The following COL19A1 variants were observed in gnomAD, a reference collection of about 807,000 sequenced individuals.
COL19A1 encodes collagen type XIX alpha 1 chain.
A neutral mutation model predicts 190.2 loss-of-function variants in COL19A1; 159 were observed. The ratio of observed to expected loss-of-function variants is 0.84; its 90% CI spans 0.73 to 0.95. The LOEUF (loss-of-function observed/expected upper bound fraction) is 0.95. Among genes scored for constraint, COL19A1 ranks in the 40% least tolerant of loss-of-function variants. The probability of loss-of-function intolerance (pLI) is 0.00; values close to 1 mark genes in which losing one functional copy is unlikely to be tolerated. For missense variants in COL19A1, 1,418 were observed against 1,431.9 expected (o/e 0.99, Z 0.16); for synonymous variants, 509 against 458.9 (o/e 1.11, Z -1.39).
chr6:69,907,223 G>T lies in COL19A1; in HGVS notation c.266+6885G>T, dbSNP rs367591275. On this transcript the variant is annotated intron_variant, in intron 4 of 50. Transcript: ENST00000620364. ...CGGCTCACTGCAACCTCCACCTCCC[G>T]GTTTCAAACGATTCTCCTGCCTCAG... Among the ~76,000 whole-genome samples, 7 of 149,978 alleles carry T rather than the reference G, an allele frequency of 4.7e-5. No homozygotes were observed. In the South Asian group the frequency reaches 1.5e-3, roughly 32 times the overall value.
At chr6:70,136,380 C>G (rs1439274597) in intron 18 of COL19A1, among the ~76,000 whole-genome samples, 1 of 152,104 alleles carries the variant, frequency 6.6e-6, no homozygotes. Flanking sequence ...AAGCTGATTA[C>G]AATCAAAGTG....
chr6:69,961,458 T>C (rs1473296153), intron 10 of COL19A1, among the ~76,000 whole-genome samples: 1 of 152,256 alleles, frequency 6.6e-6, no homozygotes, highest in African/African-American at 2.4e-5. Context: ...TTTTGGACTT[T>C]CCAGCAGCTG....
intron 49 of COL19A1, among the ~76,000 whole-genome samples, chr6:70,204,900 G>A (rs1292489439): frequency 6.6e-6 from 1 of 152,142 alleles, no homozygotes; most frequent in Non-Finnish European, 1.5e-5. Context: ...AAATGTTTAA[G>A]TAATGGATTT....
chr6:69,881,687 A>C (rs1186424473), intron 2 of COL19A1, among the ~76,000 whole-genome samples: 1 of 152,240 alleles, frequency 6.6e-6, no homozygotes, highest in African/African-American at 2.4e-5. Context: ...TCTGAACCCT[A>C]ACAAGATTCA....
chr6:69,986,999 C>T (rs1197280548), intron 11 of COL19A1, among the ~76,000 whole-genome samples: 1 of 152,198 alleles, frequency 6.6e-6, no homozygotes, highest in Non-Finnish European at 1.5e-5. Flanking sequence ...CAGCTCACTG[C>T]AGCCTTGACC....
At chr6:70,122,521 G>A (rs1244479892) in intron 17 of COL19A1, among the ~76,000 whole-genome samples, 1 of 152,078 alleles carries the variant, frequency 6.6e-6, no homozygotes, top group Admixed American at 6.6e-5. Context: ...TAATAGAGTG[G>A]CAGCCAAGAG....
At chr6:70,056,196 C>T (rs1367535261) in intron 14 of COL19A1, among the ~76,000 whole-genome samples, 3 of 152,084 alleles carry the variant, frequency 2.0e-5, no homozygotes, top group South Asian at 2.1e-4. Context: ...AAGGAAGGTA[C>T]GTCTTCTGGG....
At chr6:70,105,525 T>C (rs1251748008) in intron 16 of COL19A1, among the ~76,000 whole-genome samples, 1 of 152,230 alleles carries the variant, frequency 6.6e-6, no homozygotes, top group Non-Finnish European at 1.5e-5. Context: ...GAGCTATTTG[T>C]ATTTTATTAC....
At chr6:70,102,108 G>A in intron 15 of COL19A1, 61 bp from the exon 16 acceptor site, 1 of 1,261,574 alleles carries the variant, frequency 7.9e-7, no homozygotes, top group Non-Finnish European at 1.2e-6. Context: ...ATTTAATATT[G>A]TTTGATATTA....
intron 4 of COL19A1, among the ~76,000 whole-genome samples, chr6:69,913,893 G>A (rs921054971): frequency 4.0e-5 from 6 of 151,886 alleles, no homozygotes; most frequent in Non-Finnish European, 7.4e-5. Flanking sequence ...TTGAGCTCTC[G>A]GACCCAAGGA....
At chr6:70,026,151 G>T (rs1778721161) in intron 12 of COL19A1, among the ~76,000 whole-genome samples, 1 of 152,234 alleles carries the variant, frequency 6.6e-6, no homozygotes, top group Admixed American at 6.5e-5. Context: ...AGATATTTGA[G>T]AGGTTGGAAC....
intron 9 of COL19A1, among the ~76,000 whole-genome samples, chr6:69,953,165 G>A (rs754163902): frequency 1.3e-5 from 2 of 151,936 alleles, no homozygotes; most frequent in Non-Finnish European, 2.9e-5. Flanking sequence ...TTCTATCAAT[G>A]GAATACTTCC....
chr6:70,094,503 G>T (rs3806024), intron 15 of COL19A1, among the ~76,000 whole-genome samples: 23,143 of 152,088 alleles, frequency 0.15, 2,265 homozygotes, highest in South Asian at 0.29. Flanking sequence ...CATTTTGTGG[G>T]TTTGGGGTCT....
intron 11 of COL19A1, among the ~76,000 whole-genome samples, chr6:70,001,913 G>A (rs1777288021): frequency 6.6e-6 from 1 of 152,184 alleles, no homozygotes; most frequent in African/African-American, 2.4e-5. Context: ...TTGAATAGGA[G>A]TTGTGAGAGA....
chr6:69,921,258 TATC>T (rs1410984640), intron 4 of COL19A1, among the ~76,000 whole-genome samples: 118 of 131,778 alleles, frequency 9.0e-4, no homozygotes, highest in Non-Finnish European at 1.5e-3. Context: ...TCATATATCA[TATC>T]ATATATCATA....
intron 2 of COL19A1, among the ~76,000 whole-genome samples, chr6:69,892,805 T>A (rs189731957): frequency 1.3e-5 from 2 of 152,218 alleles, no homozygotes; most frequent in Admixed American, 6.5e-5. Context: ...TCCCTGCAAG[T>A]TGAGATTGAC....
chr6:70,106,912 G>A (rs147180202), intron 16 of COL19A1, among the ~76,000 whole-genome samples: 88 of 152,338 alleles, frequency 5.8e-4, no homozygotes, highest in African/African-American at 2.1e-3. Context: ...GAAGGAAATA[G>A]CACTAACTCC....
intron 35 of COL19A1, 85 bp from the exon 36 acceptor site, chr6:70,163,258 T>C: frequency 8.3e-7 from 1 of 1,204,266 alleles, no homozygotes; most frequent in Non-Finnish European, 1.2e-6. Context: ...ACCTTCAAAA[T>C]GTGTAAGTTT....
At chr6:70,062,447 A>G (rs1379154528) in intron 14 of COL19A1, among the ~76,000 whole-genome samples, 1 of 152,142 alleles carries the variant, frequency 6.6e-6, no homozygotes, top group African/African-American at 2.4e-5. Flanking sequence ...TTTTGTCACC[A>G]CCAGGCCTGC....
Sources: allele counts gnomAD v4.1 joint callset (sites outside exome capture counted in the v4.1 genomes callset), GRCh38; gene constraint gnomAD v4.1.1; transcripts MANE v1.5; gene names NCBI Gene and HGNC (gene_info 2026-07-23, HGNC 2026-07-21).